Variants in SLC22A2 observed in about 807,000 individuals in gnomAD.
The protein encoded by SLC22A2 is solute carrier family 22 member 2.
Under a neutral mutation model 60.5 loss-of-function variants are expected in SLC22A2, and 46 were observed. The ratio of observed to expected loss-of-function variants is 0.76; its 90% CI spans 0.60 to 0.97. The LOEUF (loss-of-function observed/expected upper bound fraction) is 0.97, where lower values mean the gene tolerates loss of function less well. Ranked by LOEUF, SLC22A2 falls within the 50% of genes least tolerant of loss-of-function variation. SLC22A2 has a pLI of 0.00. For synonymous variants in SLC22A2, 303 were observed against 267.0 expected, an observed-to-expected ratio of 1.13 and a Z score of -1.31; for missense variants, 701 against 706.6, an observed-to-expected ratio of 0.99 and a Z score of 0.09.
Position 160,250,624 on chromosome 6 carries a change from G to A in SLC22A2, c.597C>T (p.Thr199=). 1 of 1,614,088 alleles carries A rather than the reference G, an allele frequency of 6.2e-7. No homozygotes were observed. Among genetic ancestry groups the A allele is most frequent in the Non-Finnish European group, 8.5e-7 (1 of 1,179,952 alleles). ...AAGVLMAISP[T]YTWMLIFRLI... is the part of the protein sequence containing the mutation. ...AGCGAAAAATTAACATCCACGTATAGGTTGGGGAAATGGCCATGAGAACTC... is the reference window on the plus strand; with the variant it reads ...AGCGAAAAATTAACATCCACGTATAAGTTGGGGAAATGGCCATGAGAACTC... Residue 199 remains threonine (T), a synonymous_variant, in exon 3 of 11, where the codon ACC becomes ACT. Coordinates refer to ENST00000366953, the MANE Select transcript of SLC22A2 (RefSeq NM_003058.4).
chr6:160,222,695 T>G (rs1782661228), intron 10 of SLC22A2, among the ~76,000 whole-genome samples: 1 of 152,160 alleles, frequency 6.6e-6, no homozygotes, highest in Non-Finnish European at 1.5e-5. Context: ...AATGTCTGCA[T>G]GCACCAAGCA....
At chr6:160,245,861 C>CG (rs1783086485) in intron 5 of SLC22A2, among the ~76,000 whole-genome samples, 1 of 122,266 alleles carries the variant, frequency 8.2e-6, no homozygotes, top group Non-Finnish European at 1.7e-5. Context: ...CAATGCCCAG[C>CG]TTTTTTTTTT....
At chr6:160,222,467 A>G (rs1782657886) in intron 10 of SLC22A2, among the ~76,000 whole-genome samples, 1 of 152,216 alleles carries the variant, frequency 6.6e-6, no homozygotes. Context: ...AGAAACTTCA[A>G]TTAGGCATGC....
chr6:160,250,931 C>T (rs753605938), intron 2 of SLC22A2, among the ~76,000 whole-genome samples: 1 of 152,176 alleles, frequency 6.6e-6, no homozygotes, highest in Non-Finnish European at 1.5e-5. Flanking sequence ...AAGCCCCATT[C>T]ACCCCAGGGT....
At chr6:160,235,630 G>T (rs1178156622) in intron 9 of SLC22A2, among the ~76,000 whole-genome samples, 2 of 150,448 alleles carry the variant, frequency 1.3e-5, no homozygotes, top group African/African-American at 4.9e-5. Context: ...AGTTAAAGGG[G>T]TATCATTCAG....
At chr6:160,246,881 G>T (rs1371788051) in intron 5 of SLC22A2, among the ~76,000 whole-genome samples, 1 of 152,330 alleles carries the variant, frequency 6.6e-6, no homozygotes, top group Middle Eastern at 3.4e-3. Context: ...TGGGGGTGCT[G>T]GGCACCTGGG....
chr6:160,238,613 A>G (rs1759320061), intron 9 of SLC22A2, among the ~76,000 whole-genome samples: 1 of 152,190 alleles, frequency 6.6e-6, no homozygotes, highest in Non-Finnish European at 1.5e-5. Context: ...CAAGACCACA[A>G]TTAGCACACC....
chr6:160,230,124 C>T (rs1418972278), intron 9 of SLC22A2, among the ~76,000 whole-genome samples: 4 of 151,736 alleles, frequency 2.6e-5, no homozygotes, highest in Admixed American at 6.5e-5. Context: ...CCTGTCCCCT[C>T]CTCACCAGGC....
chr6:160,221,436 T>C (rs1325824200), intron 10 of SLC22A2, among the ~76,000 whole-genome samples: 1 of 152,170 alleles, frequency 6.6e-6, no homozygotes, highest in Non-Finnish European at 1.5e-5. Flanking sequence ...AATAAGGCTG[T>C]TTCATTTCTC....
chr6:160,257,903 TC>T (rs1210046639), intron 1 of SLC22A2: 1 of 158,158 alleles, frequency 6.3e-6, no homozygotes, highest in Non-Finnish European at 1.4e-5. Flanking sequence ...AAAATAGGTA[TC>T]GAGAGAAAAG....
At chr6:160,244,062 A>T (rs747276854) in intron 6 of SLC22A2, 5 of 369,754 alleles carry the variant, frequency 1.4e-5, no homozygotes, top group Non-Finnish European at 2.5e-5. Flanking sequence ...AAAGCCAAGA[A>T]GAATGTCTTA....
intron 9 of SLC22A2, 120 bp from the exon 10 acceptor site, chr6:160,224,924 T>C: frequency 2.0e-6 from 1 of 496,090 alleles, no homozygotes; most frequent in Non-Finnish European, 3.5e-6. Flanking sequence ...TATTTACAGA[T>C]TCCTTTGCCA....
At chr6:160,218,668 A>G (rs1339217046) in intron 10 of SLC22A2, among the ~76,000 whole-genome samples, 1 of 81,848 alleles carries the variant, frequency 1.2e-5, no homozygotes, top group African/African-American at 4.9e-5. Flanking sequence ...TATCAGTAAT[A>G]GCAATAGTAA....
chr6:160,242,793 C>A (rs1230238723), intron 7 of SLC22A2, among the ~76,000 whole-genome samples: 1 of 151,908 alleles, frequency 6.6e-6, no homozygotes, highest in Admixed American at 6.6e-5. Flanking sequence ...CGATAATCAC[C>A]CCAAATCTAT....
chr6:160,258,673 GC>G lies in SLC22A2; in HGVS notation c.84del (p.Leu29SerfsTer31). On this transcript the variant is annotated frameshift_variant, in exon 1 of 11. Coordinates refer to ENST00000366953, the MANE Select transcript of SLC22A2 (RefSeq NM_003058.4). LOFTEE classifies it high-confidence loss of function. ...FQKQMFFLLA[L>X]LSATFAPIYV... ...TAGATGGGCGCGAAGGTAGCCGAGA[GC>G]AGAGCCAAGAGGAAAAACATTTGCT... is the stretch of plus-strand genomic sequence containing the variant. 6.2e-7 allele frequency: 1 copy of G among 1,612,726 alleles called. No homozygotes were observed. Among genetic ancestry groups the G allele is most frequent in the Non-Finnish European group, 8.5e-7 (1 of 1,179,286 alleles).
chr6:160,219,579 G>C (rs1339649946), intron 10 of SLC22A2, among the ~76,000 whole-genome samples: 1 of 144,520 alleles, frequency 6.9e-6, no homozygotes, highest in East Asian at 2.1e-4. Context: ...TTTTGAGCAA[G>C]TCCTTTACTT....
intron 9 of SLC22A2, among the ~76,000 whole-genome samples, chr6:160,231,779 C>T (rs2114855836): frequency 6.6e-6 from 1 of 151,970 alleles, no homozygotes; most frequent in South Asian, 2.1e-4. Flanking sequence ...ATCCTTTCCC[C>T]ACTCCCCTTT....
chr6:160,241,194 T>A (rs1341760372), intron 9 of SLC22A2, among the ~76,000 whole-genome samples: 3 of 152,156 alleles, frequency 2.0e-5, no homozygotes, highest in Non-Finnish European at 4.4e-5. Flanking sequence ...TCTTCAACAT[T>A]CTGCCTCTAT....
At chr6:160,245,933 T>C (rs1376550030) in intron 5 of SLC22A2, among the ~76,000 whole-genome samples, 1 of 149,444 alleles carries the variant, frequency 6.7e-6, no homozygotes, top group Non-Finnish European at 1.5e-5. Context: ...AGTGGCACGA[T>C]CTTGGCTCAC....
Sources: gnomAD v4.1 joint callset for allele counts (sites outside exome capture counted in the v4.1 genomes callset) on GRCh38, gnomAD v4.1.1 for gene constraint, MANE v1.5 for transcripts, NCBI Gene and HGNC (gene_info 2026-07-23, HGNC 2026-07-21) for gene names.